PUS10: variants seen among roughly 807,000 people sequenced by gnomAD.
PUS10 encodes the protein pseudouridine synthase 10.
PUS10 carries 59 observed loss-of-function variants against 75.0 expected under a neutral mutation model. The ratio of observed to expected loss-of-function variants is 0.79; its 90% CI spans 0.64 to 0.98. The LOEUF is 0.98. PUS10 is among the 50% of genes least tolerant of loss of function. The pLI is 0.00. For missense variants in PUS10, 650 were observed against 614.4 expected (o/e 1.06, Z -0.61); for synonymous variants, 219 against 211.6 (o/e 1.03, Z -0.30).
At chr2:60,973,253 G>A (rs1403403090) in intron 4 of PUS10, among the ~76,000 whole-genome samples, 1 of 152,240 alleles carries the variant, frequency 6.6e-6, no homozygotes, top group Non-Finnish European at 1.5e-5. Context: ...GTTGGCTGGG[G>A]CGGCCTCTGC....
chr2:60,955,383 G>A (rs1255159545), intron 11 of PUS10, among the ~76,000 whole-genome samples: 3 of 152,052 alleles, frequency 2.0e-5, no homozygotes, highest in Non-Finnish European at 4.4e-5. Context: ...AGGCTGGAGT[G>A]CAGCAGCGTG....
intron 17 of PUS10, among the ~76,000 whole-genome samples, chr2:60,943,694 C>T (rs1456950071): frequency 6.6e-6 from 1 of 151,364 alleles, no homozygotes; most frequent in Non-Finnish European, 1.5e-5. Context: ...TAGCCATATA[C>T]CAAACACCCA....
intron 4 of PUS10, among the ~76,000 whole-genome samples, chr2:60,982,882 C>G (rs1226729492): frequency 1.3e-5 from 2 of 151,492 alleles, no homozygotes; most frequent in Non-Finnish European, 1.5e-5. Context: ...CAGGCTGGAG[C>G]TCAGTGGCGC....
chr2:60,961,523 G>A lies in PUS10; in HGVS notation c.814C>T (p.Pro272Ser), dbSNP rs777350014. 1 of 1,614,078 alleles carries A rather than the reference G, an allele frequency of 6.2e-7. No homozygotes were observed. The highest frequency in any genetic ancestry group is 8.5e-7 in the Non-Finnish European group (1 of 1,179,964). The change falls in exon 10 of 18, where the codon CCA becomes TCA. Residue 272 changes from proline to serine, a missense_variant. Transcript: ENST00000316752. ...LKQFPCPPNS[P>S]KAVCAVLEIE... ...TCAAGAACAGCGCATACAGCCTTTG[G>A]TGAGTTTGGAGGACAAGGAAACTGC...
intron 2 of PUS10, chr2:61,009,783 A>G (rs1348084423): frequency 1.3e-5 from 2 of 152,338 alleles, no homozygotes; most frequent in Non-Finnish European, 2.9e-5. Context: ...TTGAAAAAGT[A>G]TATTTTTCAA....
intron 6 of PUS10, chr2:60,966,595 T>C (rs1161844444): frequency 1.3e-5 from 2 of 152,286 alleles, no homozygotes; most frequent in East Asian, 3.7e-4. Context: ...AAAACTGAAA[T>C]TTGAGGTAAA....
At chr2:60,992,309 C>T (rs865928264) in intron 4 of PUS10, among the ~76,000 whole-genome samples, 9 of 152,100 alleles carry the variant, frequency 5.9e-5, no homozygotes, top group East Asian at 1.9e-4. Context: ...AGCCACTATA[C>T]GCAGCCAGAA....
At chr2:60,956,262 A>G (rs1360353522) in intron 11 of PUS10, among the ~76,000 whole-genome samples, 2 of 152,324 alleles carry the variant, frequency 1.3e-5, no homozygotes, top group East Asian at 3.9e-4. Context: ...GGTATCTTCT[A>G]ATCAGAGTCA....
chr2:61,017,784 C>G (rs762898168), intron 1 of PUS10: 3 of 1,550,300 alleles, frequency 1.9e-6, no homozygotes, highest in East Asian at 2.4e-5. Context: ...GCCACCTCCC[C>G]CCAAACCCTG....
chr2:60,943,293 T>C (rs902314619), intron 17 of PUS10, among the ~76,000 whole-genome samples: 6 of 152,110 alleles, frequency 3.9e-5, no homozygotes, highest in Non-Finnish European at 8.8e-5. Context: ...TTCAGTTCTG[T>C]AGAATTTCTG....
intron 4 of PUS10, among the ~76,000 whole-genome samples, chr2:60,998,314 A>T (rs1573495273): frequency 6.6e-6 from 1 of 152,198 alleles, no homozygotes; most frequent in South Asian, 2.1e-4. Context: ...TCTGAATGAG[A>T]TCAATAATCC....
intron 3 of PUS10, 51 bp downstream of exon 3, chr2:61,008,710 G>A: frequency 7.4e-7 from 1 of 1,358,310 alleles, no homozygotes; most frequent in South Asian, 1.4e-5. Flanking sequence ...TTGGTTTTAA[G>A]ACTGAAAATC....
At chr2:60,960,539 A>G (rs573709064) in intron 10 of PUS10, 22 bp from the exon 11 acceptor site, 2 of 1,558,640 alleles carry the variant, frequency 1.3e-6, no homozygotes, top group East Asian at 4.8e-5. Flanking sequence ...ATAATCAGAT[A>G]GCCTGGATGG....
chr2:60,948,219 A>C, intron 15 of PUS10, 34 bp from the exon 16 acceptor site: 1 of 1,610,016 alleles, frequency 6.2e-7, no homozygotes, highest in South Asian at 1.1e-5. Flanking sequence ...TCCCAGAGTC[A>C]GAGCTTTGCC....
At chr2:61,010,249 C>T (rs1679510771) in intron 2 of PUS10, 1 of 153,474 alleles carries the variant, frequency 6.5e-6, no homozygotes, top group African/African-American at 2.4e-5. Flanking sequence ...ACTTTACAGT[C>T]ATATTGTGTA....
chr2:60,949,168 T>A (rs1040355602), intron 15 of PUS10, among the ~76,000 whole-genome samples: 4 of 152,210 alleles, frequency 2.6e-5, no homozygotes, highest in Admixed American at 1.3e-4. Flanking sequence ...TTGATTTTAT[T>A]ATAGAAACAC....
chr2:60,975,185 C>T (rs745775385), intron 4 of PUS10, among the ~76,000 whole-genome samples: 1 of 152,080 alleles, frequency 6.6e-6, no homozygotes, highest in Non-Finnish European at 1.5e-5. Flanking sequence ...CTCACTCTGT[C>T]GCCCAGGCTG....
rs557031620 is a variant in PUS10 at position 60,963,892 on chromosome 2, T to C, written c.724-1002A>G. Among the ~76,000 whole-genome samples the C allele has an allele frequency of 2.0e-5, 3 of 152,378 alleles. No homozygotes were observed. The South Asian group carries it at 6.2e-4, about 32-fold the overall frequency. ...AAAATCTCCTTATCCTATTACTTGA[T>C]GCCTATTATTATATTTCCTTAAGGG... On this transcript the variant is annotated intron_variant, in intron 8 of 17. Transcript: ENST00000316752.
intron 4 of PUS10, among the ~76,000 whole-genome samples, chr2:61,000,058 A>AC (rs1007591353): frequency 4.6e-5 from 7 of 151,540 alleles, no homozygotes; most frequent in African/African-American, 1.7e-4. Context: ...CCTAGAACCA[A>AC]CCCCCCACAG....
Sources: allele counts gnomAD v4.1 joint callset (sites outside exome capture counted in the v4.1 genomes callset), GRCh38; gene constraint gnomAD v4.1.1; transcripts MANE v1.5; gene names NCBI Gene and HGNC (gene_info 2026-07-23, HGNC 2026-07-21).